The following RFPL1 variants were observed in gnomAD, a reference collection of about 807,000 sequenced individuals.
RFPL1 encodes ret finger protein-like 1.
RFPL1 carries 6 observed loss-of-function variants against 9.6 expected under a neutral mutation model. The ratio of observed to expected loss-of-function variants is 0.62; its 90% CI spans 0.34 to 1.23. RFPL1 has a LOEUF of 1.23. RFPL1 is among the 50% of genes most tolerant of loss of function. RFPL1 has a pLI of 0.03. For missense variants in RFPL1, 352 were observed against 398.4 expected, an observed-to-expected ratio of 0.88 and a Z score of 0.99; for synonymous variants, 145 against 149.4, an observed-to-expected ratio of 0.97 and a Z score of 0.22.
At chr22:29,414,214 T>TTTTATATAAATTC in the RFPL1 span, among the ~76,000 whole-genome samples, 1 of 142,372 alleles carries the variant, frequency 7.0e-6, no homozygotes, top group East Asian at 2.1e-4. Flanking sequence ...AACATTCCTT[T>TTTTATATAAATTC]TGCACCCCCA....
At chr22:29,439,205 C>T in intron 1 of RFPL1, 41 bp downstream of exon 1, 1 of 1,579,502 alleles carries the variant, frequency 6.3e-7, no homozygotes, top group Non-Finnish European at 8.6e-7. Context: ...TACGACCAGA[C>T]CAGGAAAAAT....
the RFPL1 span, among the ~76,000 whole-genome samples, chr22:29,394,603 A>G: frequency 1.3e-5 from 2 of 152,194 alleles, no homozygotes; most frequent in Non-Finnish European, 2.9e-5. Flanking sequence ...TGGCCTCCCA[A>G]AGTGCTGGGA....
At chr22:29,397,924 C>A in the RFPL1 span, among the ~76,000 whole-genome samples, 1 of 152,180 alleles carries the variant, frequency 6.6e-6, no homozygotes, top group Non-Finnish European at 1.5e-5. Flanking sequence ...TGATGGCCCT[C>A]AGTGTGACAG....
At chr22:29,389,107 T>C in the RFPL1 span, among the ~76,000 whole-genome samples, 5 of 152,128 alleles carry the variant, frequency 3.3e-5, no homozygotes, top group South Asian at 2.1e-4. Flanking sequence ...CAGGCTGGTC[T>C]CGAAATCATG....
At chr22:29,394,637 G>T in the RFPL1 span, among the ~76,000 whole-genome samples, 1 of 152,302 alleles carries the variant, frequency 6.6e-6, no homozygotes, top group African/African-American at 2.4e-5. Context: ...CCACTGCACC[G>T]GGCCTGGCCA....
At chr22:29,411,377 C>G in the RFPL1 span, among the ~76,000 whole-genome samples, 2 of 152,148 alleles carry the variant, frequency 1.3e-5, no homozygotes, top group Admixed American at 1.3e-4. Context: ...TAGAAGCGTT[C>G]AAATTTATTT....
At chr22:29,437,467 A>T (rs2062813799), upstream of RFPL1, 1 of 748,754 alleles carries the variant, frequency 1.3e-6, no homozygotes. Context: ...AGGCAATTTA[A>T]TCTTATCTTC....
the RFPL1 span, among the ~76,000 whole-genome samples, chr22:29,422,006 C>T: frequency 2.8e-4 from 43 of 152,146 alleles, no homozygotes; most frequent in African/African-American, 9.7e-4. Context: ...CTCTTTTCAT[C>T]TGGTCGGCAG....
upstream of RFPL1, among the ~76,000 whole-genome samples, chr22:29,436,314 C>T (rs538395601): frequency 6.3e-4 from 96 of 151,884 alleles, 1 homozygote; most frequent in African/African-American, 2.3e-3. Context: ...ATAATAAATA[C>T]AGGCGGTGGC....
At chr22:29,391,187 T>C in the RFPL1 span, among the ~76,000 whole-genome samples, 1 of 152,070 alleles carries the variant, frequency 6.6e-6, no homozygotes, top group African/African-American at 2.4e-5. Flanking sequence ...AATGGAATTT[T>C]TTTTTCTTTT....
chr22:29,400,077 G>C, the RFPL1 span, among the ~76,000 whole-genome samples: 1 of 149,180 alleles, frequency 6.7e-6, no homozygotes, highest in Non-Finnish European at 1.5e-5. Context: ...CTCACTGCAA[G>C]CTCCGCCTCC....
the RFPL1 span, among the ~76,000 whole-genome samples, chr22:29,411,342 A>G: frequency 1.3e-5 from 2 of 152,230 alleles, no homozygotes. Context: ...GCTGAGAGCC[A>G]GGATATGAAA....
chr22:29,412,437 G>T, the RFPL1 span, among the ~76,000 whole-genome samples: 1 of 152,056 alleles, frequency 6.6e-6, no homozygotes, highest in African/African-American at 2.4e-5. Context: ...GAGTTCCAGG[G>T]CAGGGTGAGC....
the RFPL1 span, among the ~76,000 whole-genome samples, chr22:29,404,914 G>A: frequency 6.6e-6 from 1 of 152,100 alleles, no homozygotes; most frequent in Non-Finnish European, 1.5e-5. Flanking sequence ...ATTTTTTATA[G>A]AGAAGAGGTC....
chr22:29,414,443 C>T, the RFPL1 span, among the ~76,000 whole-genome samples: 1 of 152,142 alleles, frequency 6.6e-6, no homozygotes, highest in East Asian at 1.9e-4. Context: ...TCCAAATTAA[C>T]TTAGAATTGG....
chr22:29,439,031 C>T (rs755305747), exon 1 of RFPL1: 153 of 1,614,022 alleles, frequency 9.5e-5, no homozygotes, highest in Non-Finnish European at 1.3e-4. Flanking sequence ...TTTGCTGTTG[C>T]TGTTCCATGG....
the RFPL1 span, among the ~76,000 whole-genome samples, chr22:29,390,652 G>A: frequency 1.3e-5 from 2 of 151,328 alleles, no homozygotes; most frequent in African/African-American, 2.4e-5. Flanking sequence ...CTGGAGTTCA[G>A]TGGCTCGATC....
At chr22:29,441,562 G>A (rs1312963302) in exon 2 of RFPL1, 12 of 1,601,466 alleles carry the variant, frequency 7.5e-6, no homozygotes, top group East Asian at 4.5e-5. Flanking sequence ...CTTGGATGCC[G>A]ACACAGCCAA....
At chr22:29,439,017 C>T in exon 1 of RFPL1, 1 of 1,614,130 alleles carries the variant, frequency 6.2e-7, no homozygotes, top group Non-Finnish European at 8.5e-7. Flanking sequence ...TGGGGAGGAT[C>T]TACTTTGCTG....
Sources: allele counts gnomAD v4.1 joint callset (sites outside exome capture counted in the v4.1 genomes callset), GRCh38; gene constraint gnomAD v4.1.1; transcripts MANE v1.5; gene names NCBI Gene and HGNC (gene_info 2026-07-23, HGNC 2026-07-21).